The following CCDC74A variants were observed in gnomAD, a reference collection of about 807,000 sequenced individuals.
CCDC74A encodes coiled-coil domain containing 74A.
A neutral mutation model predicts 37.6 loss-of-function variants in CCDC74A; 38 were observed. The observed-to-expected ratio is 1.01, with a 90% confidence interval of 0.78 to 1.33. CCDC74A has a LOEUF of 1.33. Among genes scored for constraint, CCDC74A ranks in the 40% most tolerant of loss-of-function variants. The pLI, the probability that CCDC74A is intolerant of heterozygous loss-of-function variation, is 0.00. For missense variants in CCDC74A, 340 were observed against 403.4 expected, an observed-to-expected ratio of 0.84 and a Z score of 1.35; for synonymous variants, 134 against 165.2, an observed-to-expected ratio of 0.81 and a Z score of 1.45.
Position 131,532,950 on chromosome 2 carries a change from T to A in CCDC74A, c.752+13T>A. ...CTAGCTTTCCCAGGTGAGTGCCTGGTGCACCCCTGCCCCATCCCTGGGGTC... is the reference window on the plus strand; with the variant it reads ...CTAGCTTTCCCAGGTGAGTGCCTGGAGCACCCCTGCCCCATCCCTGGGGTC... On this transcript the variant is annotated intron_variant, in intron 6 of 7. Transcript: ENST00000409856. 2 of 1,613,828 alleles carry A rather than the reference T, an allele frequency of 1.2e-6. No individual in the cohort carries two copies. The highest frequency in any genetic ancestry group is 1.7e-6 in the Non-Finnish European group (2 of 1,179,844).
chr2:131,528,401 T>G (rs1180192702), intron 1 of CCDC74A, 181 bp downstream of exon 1: 3 of 1,550,568 alleles, frequency 1.9e-6, no homozygotes, highest in Non-Finnish European at 2.6e-6. Context: ...GAGACCCGCG[T>G]GGCCCCCGGG....
At chr2:131,527,824 AG>A, upstream of CCDC74A, 1 of 1,151,110 alleles carries the variant, frequency 8.7e-7, no homozygotes, top group East Asian at 2.9e-5. Flanking sequence ...CTACTCACCC[AG>A]GAAGAGCCAG....
chr2:131,529,564 G>C lies in CCDC74A; in HGVS notation c.251-83G>C. On this transcript the variant is annotated intron_variant, in intron 1 of 7. Coordinates refer to ENST00000409856, the MANE Select transcript of CCDC74A (RefSeq NM_001258306.3). ...GGGGGCAGGACTTTTGGGCTCAGCA[G>C]CCAGGAGAGGACAGGCCAGGCTTCT... The C allele has an allele frequency of 1.9e-6, 3 of 1,590,400 alleles. No homozygotes were observed. The South Asian group carries it at 3.3e-5, about 18-fold the overall frequency.
At chr2:131,526,477 T>C (rs1012653737), upstream of CCDC74A, among the ~76,000 whole-genome samples, 6 of 152,228 alleles carry the variant, frequency 3.9e-5, no homozygotes, top group African/African-American at 1.2e-4. Flanking sequence ...TTTCTTAGAA[T>C]GTCTACTTCT....
intron 1 of CCDC74A, chr2:131,528,570 G>A (rs1473904928): frequency 8.8e-7 from 1 of 1,134,038 alleles, no homozygotes; most frequent in South Asian, 1.3e-5. Context: ...CAGCACTTTG[G>A]GAGGCCGAGA....
At chr2:131,530,962 GAA>G (rs1221252552) in intron 3 of CCDC74A, 135 bp downstream of exon 3, 1 of 1,137,828 alleles carries the variant, frequency 8.8e-7, no homozygotes, top group Non-Finnish European at 1.2e-6. Context: ...AGGTGCAGCT[GAA>G]AAGAGCCCTG....
At chr2:131,524,228 C>G (rs1680220212), upstream of CCDC74A, among the ~76,000 whole-genome samples, 1 of 152,144 alleles carries the variant, frequency 6.6e-6, no homozygotes, top group Non-Finnish European at 1.5e-5. Context: ...CCTTCCACTG[C>G]TAACACAATA....
At chr2:131,522,601 A>G in the CCDC74A span, among the ~76,000 whole-genome samples, 1 of 152,166 alleles carries the variant, frequency 6.6e-6, no homozygotes, top group Non-Finnish European at 1.5e-5. Context: ...CTGGCAGCGC[A>G]GCTTCAGGCT....
chr2:131,530,349 TG>T (rs1681028208), intron 2 of CCDC74A: 1 of 1,545,784 alleles, frequency 6.5e-7, no homozygotes, highest in South Asian at 1.2e-5. Context: ...ACATCGCAGC[TG>T]GGGCAGTGCC....
At chr2:131,527,596 G>A (rs1173940125), upstream of CCDC74A, 1 of 223,404 alleles carries the variant, frequency 4.5e-6, no homozygotes, top group Non-Finnish European at 8.6e-6. Flanking sequence ...CCCGGTTCAA[G>A]CTATTCTCCT....
rs560072033 is a variant in CCDC74A, at chr2:131,529,536, T to TGG, written c.251-105_251-104dup. 6 of 1,433,560 alleles carry TGG rather than the reference T, an allele frequency of 4.2e-6. No individual in the cohort carries two copies. The East Asian group carries it at 6.8e-5, about 16-fold the overall frequency. The allele number at this position is 1,433,560 out of a possible 1,614,324, so 88.8% of individuals were successfully genotyped here. ...CATGGGGCAGGGCCCAATCAGCCAGTGGGGGGGCAGGACTTTTGGGCTCAG... is the reference window on the plus strand; with the variant it reads ...CATGGGGCAGGGCCCAATCAGCCAGTGGGGGGGGGCAGGACTTTTGGGCTCAG... On this transcript the variant is annotated intron_variant, in intron 1 of 7. Coordinates refer to ENST00000409856, the MANE Select transcript of CCDC74A (RefSeq NM_001258306.3).
At position 131,530,173 on chromosome 2, in the gene CCDC74A, A is replaced by G. The variant is rs554038058; in HGVS notation, c.295+482A>G. On this transcript the variant is annotated intron_variant, in intron 2 of 7. Transcript: ENST00000409856. ...AACCATGGGGACAAAGGGAGGAAGC[A>G]GAGTCCTGTTTCCTTGCCACTTGTC... 4.5e-6 allele frequency: 7 copies of G among 1,549,350 alleles called. No homozygotes were observed. In the African/African-American group the frequency reaches 8.2e-5, roughly 18 times the overall value.
rs1400522578 is a variant in CCDC74A, at chr2:131,528,080, A to C, written c.110A>C (p.Gln37Pro). The C allele has an allele frequency of 2.5e-6, 4 of 1,611,566 alleles. No individual in the cohort carries two copies. The Admixed American group carries it at 6.7e-5, about 27-fold the overall frequency. The change falls in exon 1 of 8, where the codon CAG becomes CCG. Residue 37 changes from glutamine to proline, a missense_variant. This residue lies in a region of CCDC74A where 154 missense variants were observed against 153.9 expected (regional missense o/e 1.00). Transcript: ENST00000409856. ...GTGGGCGTCCAGTCCTTGAGGCCGCAGAGCCCGCAGCTCAGGCAGAGCGAC... is the reference window on the plus strand; with the variant it reads ...GTGGGCGTCCAGTCCTTGAGGCCGCCGAGCCCGCAGCTCAGGCAGAGCGAC... ...PSVGVQSLRPQSPQLRQSDPQ... is the reference protein window; with the variant it reads ...PSVGVQSLRPPSPQLRQSDPQ...
chr2:131,522,730 C>T (rs1680163737), upstream of CCDC74A, among the ~76,000 whole-genome samples: 1 of 152,172 alleles, frequency 6.6e-6, no homozygotes, highest in African/African-American at 2.4e-5. Flanking sequence ...GATATACCAG[C>T]GCCCCCGTGA....
chr2:131,533,383 T>G lies in CCDC74A; in HGVS notation c.924T>G (p.His308Gln), dbSNP rs1681742919. Residue 308 changes from histidine to glutamine, a missense_variant, in exon 8 of 8, where the codon CAT (histidine) becomes CAG (glutamine). His to Gln is a conservative substitution (Grantham distance 24). This residue lies in a region of CCDC74A where 185 missense variants were observed against 231.5 expected (regional missense o/e 0.80). Coordinates refer to ENST00000409856, the MANE Select transcript of CCDC74A (RefSeq NM_001258306.3). ...AGGCAATGCAGAAACGGCGCCTGCA[T>G]CGCTCAGTGCTTTGAGCCACCCCAA... Reference protein sequence around the residue: ...RLQAMQKRRLHRSVL With the variant: ...RLQAMQKRRLQRSVL 6.2e-7 allele frequency: 1 copy of G among 1,613,392 alleles called. No individual in the cohort carries two copies. The highest frequency in any genetic ancestry group is 1.3e-5 in the African/African-American group (1 of 74,936).
intron 2 of CCDC74A, chr2:131,530,106 G>C: frequency 6.5e-7 from 1 of 1,550,304 alleles, no homozygotes. Flanking sequence ...AGGGGCTCTG[G>C]ACACACTCCA....
At chr2:131,528,364 C>T (rs2104782368) in intron 1 of CCDC74A, 144 bp downstream of exon 1, 1 of 1,548,050 alleles carries the variant, frequency 6.5e-7, no homozygotes, top group Non-Finnish European at 8.7e-7. Context: ...CGCCCTGCCA[C>T]GCTGAGCTGT....
At chr2:131,527,489 T>C (rs992339841), upstream of CCDC74A, among the ~76,000 whole-genome samples, 5 of 152,090 alleles carry the variant, frequency 3.3e-5, no homozygotes, top group African/African-American at 1.2e-4. Context: ...CTGGAAAGGA[T>C]GCCTGGATGC....
In CCDC74A at chr2:131,533,259, C is replaced by T. The variant is rs769552647; in HGVS notation, c.810-10C>T. The T allele has an allele frequency of 5.0e-6, 8 of 1,612,400 alleles. No individual in the cohort carries two copies. Among genetic ancestry groups the T allele is most frequent in the Non-Finnish European group, 6.8e-6 (8 of 1,179,780 alleles). On this transcript the variant is annotated splice_polypyrimidine_tract_variant and intron_variant, in intron 7 of 7. Transcript: ENST00000409856. ...GATGCTCACGGTGACAGTCCCTCTA[C>T]CCGCCCCAGCCTGAGCCCACCTGTG...
Sources: allele counts gnomAD v4.1 joint callset (sites outside exome capture counted in the v4.1 genomes callset), GRCh38; gene constraint gnomAD v4.1.1; regional missense constraint gnomAD v4.1.1; transcripts MANE v1.5; gene names NCBI Gene and HGNC (gene_info 2026-07-23, HGNC 2026-07-21).